Variants in HTRA1 observed in about 807,000 individuals in gnomAD.
HTRA1 encodes the protein serine protease HTRA1.
Under a neutral mutation model 49.7 loss-of-function variants are expected in HTRA1, and 26 were observed. The observed-to-expected ratio is 0.52, with a 90% CI of 0.38 to 0.73. The LOEUF (loss-of-function observed/expected upper bound fraction) is 0.73, where lower values mean the gene tolerates loss of function less well. HTRA1 is among the 30% of genes least tolerant of loss of function. The pLI is 0.00. For missense variants in HTRA1, 561 were observed against 667.2 expected (o/e 0.84, Z 1.75); for synonymous variants, 291 against 286.9 (o/e 1.01, Z -0.14).
intron 1 of HTRA1, among the ~76,000 whole-genome samples, chr10:122,473,951 G>A (rs1453317768): frequency 6.6e-6 from 1 of 152,170 alleles, no homozygotes; most frequent in Non-Finnish European, 1.5e-5. Context: ...GATACAGGGA[G>A]ACCAGACGTC....
intron 3 of HTRA1, 73 bp downstream of exon 3, chr10:122,489,699 C>A: frequency 7.2e-7 from 1 of 1,387,028 alleles, no homozygotes; most frequent in Admixed American, 1.8e-5. Context: ...CACCAGAGCT[C>A]TCTGATTGCA....
rs141130635 is a variant in HTRA1 at position 122,506,747 on chromosome 10, C to T, written c.834C>T (p.Phe278=). The change falls in exon 4 of 9, where the codon TTC becomes TTT. Residue 278 remains phenylalanine (F), a synonymous_variant. Coordinates refer to ENST00000368984, the MANE Select transcript of HTRA1 (RefSeq NM_002775.5). The surrounding 1 kb of genome is among the most constrained non-coding windows in gnomAD (Gnocchi z 5.2). ...CCTCAGAGCTGCGGCCGGGAGAGTT[C>T]GTGGTCGCCATCGGAAGCCCGTTTT... is the stretch of plus-strand genomic sequence containing the variant. ...GRSSELRPGE[F]VVAIGSPFSL... The T allele has an allele frequency of 1.2e-4, 189 of 1,613,758 alleles. 2 individuals carry two copies. In the East Asian group the frequency reaches 2.6e-3, roughly 22 times the overall value.
intron 3 of HTRA1, among the ~76,000 whole-genome samples, chr10:122,498,758 G>A (rs1320771310): frequency 6.6e-6 from 1 of 152,216 alleles, no homozygotes; most frequent in African/African-American, 2.4e-5. Context: ...CACAGGCCCT[G>A]TGCCCTGAGC....
intron 1 of HTRA1, among the ~76,000 whole-genome samples, chr10:122,477,183 G>T (rs575788175): frequency 6.6e-6 from 1 of 151,974 alleles, no homozygotes; most frequent in Admixed American, 6.6e-5. Flanking sequence ...TAGCCAGGAC[G>T]GTCTCGATCT....
intron 8 of HTRA1, 37 bp from the exon 9 acceptor site, chr10:122,514,154 A>G: frequency 1.9e-6 from 3 of 1,605,388 alleles, no homozygotes; most frequent in Non-Finnish European, 2.6e-6. Context: ...GAATGGAAAC[A>G]CGAAACATTG....
chr10:122,461,862 G>C lies in HTRA1; in HGVS notation c.210G>C (p.Ala70=), dbSNP rs1284190937. Residue 70 remains alanine, a synonymous_variant, in exon 1 of 9, where the codon GCG becomes GCC. Coordinates refer to ENST00000368984, the MANE Select transcript of HTRA1 (RefSeq NM_002775.5). ...GCGGCTGCTGCGAGGTGTGCGGCGCGCCCGAGGGCGCCGCGTGCGGCCTGC... is the reference window on the plus strand; with the variant it reads ...GCGGCTGCTGCGAGGTGTGCGGCGCCCCCGAGGGCGCCGCGTGCGGCCTGC... ...DACGCCEVCG[A]PEGAACGLQE... 5.0e-6 allele frequency: 6 copies of C among 1,203,224 alleles called. No homozygotes were observed. The highest frequency in any genetic ancestry group is 3.7e-5 in the East Asian group (1 of 27,022). 74.5% of individuals were successfully genotyped at this position (1,203,224 alleles called of 1,614,324 possible). A position where few individuals can be genotyped will look rare whatever the true frequency, so the allele number is the denominator to read the frequency against.
chr10:122,487,410 A>T lies in HTRA1; in HGVS notation c.473-1492A>T, dbSNP rs1392364186. ...GCCTCTGCCACCACCCGTGCCACGA[A>T]AATGGGAGCCCAGGACCCTGAATCT... On this transcript the variant is annotated intron_variant, in intron 1 of 8. Transcript: ENST00000368984. The surrounding 1 kb of genome is among the most constrained non-coding windows in gnomAD (Gnocchi z 4.8). Among the ~76,000 whole-genome samples, 1 of 152,178 alleles carries T rather than the reference A, an allele frequency of 6.6e-6. No homozygotes were observed. The highest frequency in any genetic ancestry group is 1.5e-5 in the Non-Finnish European group (1 of 68,036).
chr10:122,480,805 C>G (rs2097490661), intron 1 of HTRA1, among the ~76,000 whole-genome samples: 1 of 151,976 alleles, frequency 6.6e-6, no homozygotes, highest in African/African-American at 2.4e-5. Flanking sequence ...ATACCCTCTT[C>G]AAGAAAAACA....
intron 1 of HTRA1, among the ~76,000 whole-genome samples, chr10:122,476,602 C>A (rs894895876): frequency 1.6e-4 from 24 of 152,214 alleles, no homozygotes; most frequent in African/African-American, 5.8e-4. Context: ...CAGCGACTGG[C>A]CGTTTGCAGG....
chr10:122,475,947 C>G (rs1484055397), intron 1 of HTRA1, among the ~76,000 whole-genome samples: 1 of 152,216 alleles, frequency 6.6e-6, no homozygotes, highest in African/African-American at 2.4e-5. Flanking sequence ...GGCCAGACAG[C>G]ATGCAGCCAC....
At position 122,506,153 on chromosome 10, in the gene HTRA1, T is replaced by G. The variant is rs2097502968; in HGVS notation, c.778-538T>G. On this transcript the variant is annotated intron_variant, in intron 3 of 8. Transcript: ENST00000368984. The surrounding 1 kb of genome is among the most constrained non-coding windows in gnomAD (Gnocchi z 5.2). ...GACCAGTGTGGCCCTGTACTCAGCA[T>G]AGGCGTGCACCTGAGTCAGTACAGT... 6.7e-6 allele frequency among the ~76,000 whole-genome samples: 1 copy of G among 148,300 alleles called. No individual in the cohort carries two copies. The highest frequency in any genetic ancestry group is 2.5e-5 in the African/African-American group (1 of 40,200).
chr10:122,472,257 T>C (rs758196482), intron 1 of HTRA1, among the ~76,000 whole-genome samples: 2 of 151,908 alleles, frequency 1.3e-5, no homozygotes, highest in Non-Finnish European at 2.9e-5. Context: ...TGATGACATA[T>C]TGTACTATCT....
chr10:122,480,683 G>A (rs1239181901), intron 1 of HTRA1, among the ~76,000 whole-genome samples: 4 of 152,116 alleles, frequency 2.6e-5, no homozygotes, highest in African/African-American at 9.7e-5. Context: ...TGCTCTGGAG[G>A]GAGGTGGTGG....
intron 1 of HTRA1, among the ~76,000 whole-genome samples, chr10:122,468,376 T>G (rs1039437033): frequency 3.3e-5 from 5 of 151,482 alleles, no homozygotes; most frequent in African/African-American, 1.2e-4. Context: ...TTGCTAGAAC[T>G]CAGGCAATAT....
Position 122,462,137 on chromosome 10 carries a change from G to C in HTRA1, c.472+13G>C. Reference sequence around the variant, plus strand: ...GCCTGCGGCCAAGGTACTCCGCCGCGCTCCTGGGCAGCTCCCCACTCTCTC... The same window carrying C: ...GCCTGCGGCCAAGGTACTCCGCCGCCCTCCTGGGCAGCTCCCCACTCTCTC... On this transcript the variant is annotated intron_variant, in intron 1 of 8. Transcript: ENST00000368984. The C allele has an allele frequency of 6.6e-7, 1 of 1,525,706 alleles. No homozygotes were observed. The highest frequency in any genetic ancestry group is 8.8e-7 in the Non-Finnish European group (1 of 1,139,192). The allele number at this position is 1,525,706 out of a possible 1,614,324, so 94.5% of individuals were successfully genotyped here.
intron 2 of HTRA1, 69 bp downstream of exon 2, chr10:122,489,070 A>G (rs2097494490): frequency 3.7e-6 from 4 of 1,070,350 alleles, no homozygotes; most frequent in Non-Finnish European, 2.9e-6. Flanking sequence ...CATGAGAGCT[A>G]TTTTTGAGAT....
chr10:122,497,976 GC>G (rs919497505), intron 3 of HTRA1, among the ~76,000 whole-genome samples: 9 of 152,278 alleles, frequency 5.9e-5, no homozygotes, highest in African/African-American at 2.2e-4. Flanking sequence ...TAGCTGTCGG[GC>G]CCCCATGTGG....
chr10:122,481,114 G>A (rs1565417355), intron 1 of HTRA1, among the ~76,000 whole-genome samples: 1 of 151,842 alleles, frequency 6.6e-6, no homozygotes, highest in Non-Finnish European at 1.5e-5. Flanking sequence ...ATTGTTTTTG[G>A]ATTATTATTA....
intron 3 of HTRA1, among the ~76,000 whole-genome samples, chr10:122,505,873 C>T (rs2097502833): frequency 6.6e-6 from 1 of 152,176 alleles, no homozygotes; most frequent in Non-Finnish European, 1.5e-5. Flanking sequence ...CTAGGGAGGC[C>T]CTTCTGTGGT....
Sources: gnomAD v4.1 joint callset for allele counts (sites outside exome capture counted in the v4.1 genomes callset) on GRCh38, gnomAD v4.1.1 for gene constraint, Gnocchi (gnomAD v3.1) non-coding constraint, MANE v1.5 for transcripts, NCBI Gene and HGNC (gene_info 2026-07-23, HGNC 2026-07-21) for gene names.